The following NRXN1 variants were observed in gnomAD, a reference collection of about 807,000 sequenced individuals.
NRXN1 encodes the protein neurexin 1.
Under a neutral mutation model 150.9 loss-of-function variants are expected in NRXN1, and 39 were observed. The observed-to-expected ratio is 0.26, with a 90% confidence interval of 0.20 to 0.34. NRXN1 has a LOEUF of 0.34. Among genes scored for constraint, NRXN1 ranks in the 10% least tolerant of loss-of-function variants. The probability of loss-of-function intolerance (pLI) is 1.00; values close to 1 mark genes in which losing one functional copy is unlikely to be tolerated. For synonymous variants in NRXN1, 924 were observed against 757.0 expected (o/e 1.22, Z -3.62); for missense variants, 1,815 against 1,949.9 (o/e 0.93, Z 1.30).
intron 5 of NRXN1, among the ~76,000 whole-genome samples, chr2:50,866,127 T>A (rs1031210090): frequency 2.6e-5 from 4 of 152,004 alleles, no homozygotes; most frequent in Admixed American, 1.3e-4. Flanking sequence ...AGTATCAAAT[T>A]TAATATGTAA....
At chr2:49,941,662 G>A (rs1156926139) in intron 22 of NRXN1, among the ~76,000 whole-genome samples, 2 of 152,144 alleles carry the variant, frequency 1.3e-5, no homozygotes, top group Non-Finnish European at 2.9e-5. Flanking sequence ...CCTGTAATTA[G>A]TAAGAACTTC....
At chr2:50,366,962 C>T (rs916612669) in intron 17 of NRXN1, among the ~76,000 whole-genome samples, 42 of 152,030 alleles carry the variant, frequency 2.8e-4, no homozygotes, top group African/African-American at 7.9e-4. Flanking sequence ...GCTAAATACA[C>T]GCCTAATGGA....
At chr2:50,221,170 C>T (rs1383149336) in intron 18 of NRXN1, among the ~76,000 whole-genome samples, 1 of 130,186 alleles carries the variant, frequency 7.7e-6, no homozygotes, top group Admixed American at 7.9e-5. Flanking sequence ...TGAAGACAAA[C>T]AACCTGTTGG....
intron 17 of NRXN1, among the ~76,000 whole-genome samples, chr2:50,262,761 C>T (rs2068421505): frequency 6.6e-6 from 1 of 151,994 alleles, no homozygotes; most frequent in African/African-American, 2.4e-5. Context: ...TCATTTTCCT[C>T]CATGCTTCTG....
intron 5 of NRXN1, among the ~76,000 whole-genome samples, chr2:50,784,235 C>A (rs952045557): frequency 1.3e-4 from 20 of 152,116 alleles, no homozygotes; most frequent in African/African-American, 4.6e-4. Flanking sequence ...GAATCGAGTC[C>A]TTAAGGAACT....
chr2:50,854,940 A>C (rs192417205), intron 5 of NRXN1, among the ~76,000 whole-genome samples: 72 of 152,174 alleles, frequency 4.7e-4, no homozygotes, highest in East Asian at 1.7e-3. Flanking sequence ...AACGGATTTA[A>C]AAGACAGATT....
At chr2:50,294,370 A>T (rs188640301) in intron 17 of NRXN1, among the ~76,000 whole-genome samples, 1 of 152,232 alleles carries the variant, frequency 6.6e-6, no homozygotes, top group South Asian at 2.1e-4. Context: ...ATCTGAAAAC[A>T]GTAACAACAG....
chr2:50,141,180 T>A (rs142321987), intron 18 of NRXN1, among the ~76,000 whole-genome samples: 40 of 152,102 alleles, frequency 2.6e-4, no homozygotes, highest in African/African-American at 9.4e-4. Context: ...TAGCATGCGA[T>A]AAGAACATTA....
At chr2:50,860,144 A>G (rs1574735794) in intron 5 of NRXN1, among the ~76,000 whole-genome samples, 1 of 129,646 alleles carries the variant, frequency 7.7e-6, no homozygotes, top group Non-Finnish European at 1.8e-5. Context: ...ATAACTCTCA[A>G]TCAATCAACA....
intron 5 of NRXN1, among the ~76,000 whole-genome samples, chr2:50,832,105 C>T (rs778424649): frequency 1.3e-5 from 2 of 151,994 alleles, no homozygotes; most frequent in Non-Finnish European, 2.9e-5. Flanking sequence ...GTACTAGAAT[C>T]GAGAAAATCA....
At position 50,052,144 on chromosome 2, in the gene NRXN1, G is replaced by T. The variant is rs557691332; in HGVS notation, c.4128+1127C>A. ...TGGGGTGCTGATACAAACAGAATTT[G>T]CCTTCTATTATTTTCCTTCCAAACT... On this transcript the variant is annotated intron_variant, in intron 21 of 22. Transcript: ENST00000401669. Among the ~76,000 whole-genome samples, 3 of 152,122 alleles carry T rather than the reference G, an allele frequency of 2.0e-5. No homozygotes were observed. In the East Asian group the frequency reaches 5.8e-4, roughly 29 times the overall value.
chr2:50,206,257 AC>A (rs2062567782), intron 18 of NRXN1, among the ~76,000 whole-genome samples: 1 of 151,078 alleles, frequency 6.6e-6, no homozygotes, highest in Non-Finnish European at 1.5e-5. Context: ...ACACACACAC[AC>A]ACACAACAAT....
Position 50,872,833 on chromosome 2 carries a change from T to C in NRXN1, c.832+49036A>G, listed in dbSNP as rs190986558. 6.6e-5 allele frequency among the ~76,000 whole-genome samples: 10 copies of C among 151,792 alleles called. No homozygotes were observed. The East Asian group carries it at 2.0e-3, about 30-fold the overall frequency. ...ATAAAAATTAATTAGCTGGGTGTGGTGGTGCATTCCTGTAGTCCTAGCTAC... is the reference window on the plus strand; with the variant it reads ...ATAAAAATTAATTAGCTGGGTGTGGCGGTGCATTCCTGTAGTCCTAGCTAC... On this transcript the variant is annotated intron_variant, in intron 5 of 22. Coordinates refer to ENST00000401669, the MANE Select transcript of NRXN1 (RefSeq NM_001330078.2).
chr2:50,471,164 A>G (rs1188578668), intron 16 of NRXN1, among the ~76,000 whole-genome samples: 2 of 151,674 alleles, frequency 1.3e-5, no homozygotes, highest in Non-Finnish European at 2.9e-5. Context: ...GATGAACTAT[A>G]TAGTCGTGAA....
At chr2:49,967,211 C>A (rs186576046) in intron 21 of NRXN1, among the ~76,000 whole-genome samples, 1 of 151,838 alleles carries the variant, frequency 6.6e-6, no homozygotes, top group Non-Finnish European at 1.5e-5. Flanking sequence ...AGATATACAA[C>A]GGTTATATGA....
chr2:50,842,347 T>C (rs1672999325), intron 5 of NRXN1, among the ~76,000 whole-genome samples: 1 of 152,156 alleles, frequency 6.6e-6, no homozygotes, highest in Admixed American at 6.5e-5. Flanking sequence ...GAGGGAAGAA[T>C]GTGTCTTAGG....
Position 50,301,405 on chromosome 2 carries a change from C to T in NRXN1, c.3365-64435G>A, listed in dbSNP as rs1423126275. On this transcript the variant is annotated intron_variant, in intron 17 of 22. Transcript: ENST00000401669. ...AATCCAGAAAATCTGACTCCAGAGTCCATATACTTGGTCATACCATTTAGC... is the reference window on the plus strand; with the variant it reads ...AATCCAGAAAATCTGACTCCAGAGTTCATATACTTGGTCATACCATTTAGC... Among the ~76,000 whole-genome samples, 45 of 152,166 alleles carry T rather than the reference C, an allele frequency of 3.0e-4. 1 individual carries two copies. Among genetic ancestry groups the T allele is most frequent in the Admixed American group, 2.9e-3 (44 of 15,280 alleles).
intron 21 of NRXN1, among the ~76,000 whole-genome samples, chr2:49,954,123 A>G (rs1011252193): frequency 1.3e-5 from 2 of 152,136 alleles, no homozygotes; most frequent in Non-Finnish European, 2.9e-5. Context: ...ATGTCCATTT[A>G]CCTGAATACA....
At chr2:50,162,778 A>T (rs1309956827) in intron 18 of NRXN1, among the ~76,000 whole-genome samples, 1 of 152,084 alleles carries the variant, frequency 6.6e-6, no homozygotes, top group Non-Finnish European at 1.5e-5. Context: ...CCTTAATCAG[A>T]TATTATTTGT....
Sources: allele counts gnomAD v4.1 joint callset (sites outside exome capture counted in the v4.1 genomes callset), GRCh38; gene constraint gnomAD v4.1.1; transcripts MANE v1.5; gene names NCBI Gene and HGNC (gene_info 2026-07-23, HGNC 2026-07-21).